TBCD: variants seen among roughly 807,000 people sequenced by gnomAD.
The protein encoded by TBCD is tubulin-specific chaperone D.
A neutral mutation model predicts 169.3 loss-of-function variants in TBCD; 105 were observed. That is an observed-to-expected ratio of 0.62 (90% CI 0.53 to 0.73). TBCD has a LOEUF of 0.73. Ranked by LOEUF, TBCD falls within the 30% of genes least tolerant of loss-of-function variation. The probability of loss-of-function intolerance (pLI) is 0.00; values close to 1 mark genes in which losing one functional copy is unlikely to be tolerated. For missense variants in TBCD, 1,444 were observed against 1,600.1 expected, an observed-to-expected ratio of 0.90 and a Z score of 1.66; for synonymous variants, 700 against 643.9, an observed-to-expected ratio of 1.09 and a Z score of -1.32.
rs935279603 is a variant in TBCD, at chr17:82,832,694, G to A, written c.1318+17760G>A. On this transcript the variant is annotated intron_variant, in intron 13 of 38. Transcript: ENST00000355528. This position sits in a 1 kb window ranked among gnomAD's most constrained non-coding sequence, Gnocchi z 4.9. ...GCGAGTGAGGGGTCGGCGAGAAGCC[G>A]GCCTCGGCTCGCCACAGTGCCACAG... 5.3e-6 allele frequency: 3 copies of A among 564,632 alleles called. No homozygotes were observed. The highest frequency in any genetic ancestry group is 9.5e-6 in the Non-Finnish European group (3 of 316,820). 35.0% of individuals were successfully genotyped at this position (564,632 alleles called of 1,614,324 possible). A position where few individuals can be genotyped will look rare whatever the true frequency, so the allele number is the denominator to read the frequency against.
chr17:82,850,402 G>C (rs1160864980), intron 13 of TBCD, among the ~76,000 whole-genome samples: 49 of 149,846 alleles, frequency 3.3e-4, no homozygotes, highest in African/African-American at 1.1e-3. Context: ...TGTTGGCTGT[G>C]CTGTTGTTGG....
At chr17:82,804,130 G>A (rs1358306590) in intron 9 of TBCD, among the ~76,000 whole-genome samples, 2 of 150,880 alleles carry the variant, frequency 1.3e-5, no homozygotes, top group Non-Finnish European at 3.0e-5. Flanking sequence ...GGAGAGTGGG[G>A]GCTGGGGTGT....
At chr17:82,772,263 G>GC (rs1431339559) in intron 5 of TBCD, among the ~76,000 whole-genome samples, 189 bp from the exon 6 acceptor site, 1 of 152,198 alleles carries the variant, frequency 6.6e-6, no homozygotes, top group Non-Finnish European at 1.5e-5. Flanking sequence ...GTAGCAGTTG[G>GC]CAGCTGTAGC....
At chr17:82,933,165 G>T (rs938458018) in intron 34 of TBCD, among the ~76,000 whole-genome samples, 1 of 152,140 alleles carries the variant, frequency 6.6e-6, no homozygotes, top group Non-Finnish European at 1.5e-5. Flanking sequence ...TTGCTTCTGC[G>T]CCACGCGGAT....
chr17:82,780,897 C>T (rs1020167333), intron 6 of TBCD, among the ~76,000 whole-genome samples: 3 of 151,926 alleles, frequency 2.0e-5, no homozygotes, highest in African/African-American at 4.8e-5. Flanking sequence ...CCGCCCTCCT[C>T]GTCCTCCAAA....
rs3214869 is a variant in TBCD at position 82,920,536 on chromosome 17, C to CTT, written c.2039-6_2039-5dup. On this transcript the variant is annotated intron_variant, in intron 23 of 38. Coordinates refer to ENST00000355528, the MANE Select transcript of TBCD (RefSeq NM_005993.5). The surrounding 1 kb of genome is among the most constrained non-coding windows in gnomAD (Gnocchi z 4.1). ...TTAGAAAAGTAACATTGCGTCTATCCTTTTTTTTTTTTTTTCCAGTGTGTG... is the reference window on the plus strand; with the variant it reads ...TTAGAAAAGTAACATTGCGTCTATCCTTTTTTTTTTTTTTTTTCCAGTGTGTG... The CTT allele has an allele frequency of 0.016, 22,130 of 1,388,166 alleles. 2 individuals carry two copies. Among genetic ancestry groups the CTT allele is most frequent in the African/African-American group, 0.02 (1,288 of 65,118 alleles). The allele number at this position is 1,388,166 out of a possible 1,614,324, so 86.0% of individuals were successfully genotyped here.
At position 82,806,440 on chromosome 17, in the gene TBCD, A is replaced by C. The variant is rs1398393933; in HGVS notation, c.1087+429A>C. 6.6e-6 allele frequency among the ~76,000 whole-genome samples: 1 copy of C among 151,980 alleles called. No homozygotes were observed. Among genetic ancestry groups the C allele is most frequent in the African/African-American group, 2.4e-5 (1 of 41,358 alleles). On this transcript the variant is annotated intron_variant, in intron 10 of 38. Transcript: ENST00000355528. The surrounding 1 kb of genome is among the most constrained non-coding windows in gnomAD (Gnocchi z 5.1). ...TTACACCTTGCAGGGGTCTCCATCC[A>C]CTGCCCTGTTCTCCTCCTGTGGGGT...
chr17:82,785,796 G>A (rs1443331004), intron 7 of TBCD, among the ~76,000 whole-genome samples: 1 of 143,942 alleles, frequency 6.9e-6, no homozygotes, highest in Non-Finnish European at 1.5e-5. Context: ...CCATCGCAGC[G>A]GGAGGGGGGT....
intron 13 of TBCD, among the ~76,000 whole-genome samples, chr17:82,828,998 A>G (rs528058345): frequency 2.4e-5 from 3 of 125,746 alleles, no homozygotes; most frequent in Non-Finnish European, 5.1e-5. Context: ...CACCCCCACA[A>G]TCACGTGTAC....
intron 9 of TBCD, among the ~76,000 whole-genome samples, chr17:82,805,479 G>A (rs184359681): frequency 9.4e-4 from 143 of 152,332 alleles, no homozygotes; most frequent in African/African-American, 2.7e-3. Flanking sequence ...TGAAGGGGCG[G>A]TGTGTGGCCT....
intron 4 of TBCD, 128 bp from the exon 5 acceptor site, chr17:82,768,292 G>A: frequency 1.7e-6 from 2 of 1,143,882 alleles, no homozygotes; most frequent in Non-Finnish European, 2.5e-6. Context: ...TGGCCCTGAG[G>A]GTGATGGCAT....
In TBCD at chr17:82,905,932, G is replaced by C; in HGVS notation, c.1805-4G>C. Reference sequence around the variant, plus strand: ...ACCTGCCCTCTCGGCCCTGTCTCTTGCAGTCTTCCCGAGGCTGCTGTCCAT... The same window carrying C: ...ACCTGCCCTCTCGGCCCTGTCTCTTCCAGTCTTCCCGAGGCTGCTGTCCAT... On this transcript the variant is annotated splice_polypyrimidine_tract_variant and splice_region_variant and intron_variant, in intron 19 of 38. Transcript: ENST00000355528. 4 of 1,608,318 alleles carry C rather than the reference G, an allele frequency of 2.5e-6. No individual in the cohort carries two copies. The highest frequency in any genetic ancestry group is 1.7e-6 in the Non-Finnish European group (2 of 1,176,956).
chr17:82,900,894 A>C (rs1041661525), intron 18 of TBCD, among the ~76,000 whole-genome samples, 163 bp downstream of exon 18: 11 of 152,360 alleles, frequency 7.2e-5, no homozygotes, highest in African/African-American at 2.6e-4. Context: ...GGATGTGTTG[A>C]GTCATGGTCT....
intron 12 of TBCD, among the ~76,000 whole-genome samples, chr17:82,813,841 C>T (rs756852249): frequency 3.3e-5 from 5 of 152,128 alleles, no homozygotes; most frequent in Middle Eastern, 3.2e-3. Flanking sequence ...CTGAGGAGCC[C>T]GCTGGTGGAC....
At position 82,922,576 on chromosome 17, in the gene TBCD, A is replaced by T. The variant is rs2061484119; in HGVS notation, c.2178+999A>T. The stretch of plus-strand genomic sequence containing the variant: ...TTCTGTAGGATCCAAGTACCGTTCT[A>T]CTAATTGAATTTGAATGCATCATGA... On this transcript the variant is annotated intron_variant, in intron 25 of 38. Transcript: ENST00000355528. The surrounding 1 kb of genome is among the most constrained non-coding windows in gnomAD (Gnocchi z 4.1). Among the ~76,000 whole-genome samples the T allele has an allele frequency of 6.6e-6, 1 of 151,772 alleles. No homozygotes were observed. The highest frequency in any genetic ancestry group is 1.5e-5 in the Non-Finnish European group (1 of 67,976).
chr17:82,801,700 T>TGA, intron 9 of TBCD, among the ~76,000 whole-genome samples: 1 of 124,816 alleles, frequency 8.0e-6, no homozygotes, highest in African/African-American at 3.1e-5. Flanking sequence ...GGCGTGTGCG[T>TGA]TGTGTGGCTC....
At chr17:82,924,093 A>G (rs895352006) in intron 26 of TBCD, among the ~76,000 whole-genome samples, 1 of 152,134 alleles carries the variant, frequency 6.6e-6, no homozygotes, top group Non-Finnish European at 1.5e-5. Context: ...AGGTGGGACT[A>G]CAGGTGCCTG....
At chr17:82,758,408 T>TAAA (rs56864532) in intron 2 of TBCD, among the ~76,000 whole-genome samples, 1 of 77,132 alleles carries the variant, frequency 1.3e-5, no homozygotes, top group South Asian at 3.9e-4. Flanking sequence ...AAAAAATAAA[T>TAAA]AAATAAATAA....
intron 19 of TBCD, among the ~76,000 whole-genome samples, chr17:82,905,335 A>G (rs905035262): frequency 6.6e-4 from 100 of 152,346 alleles, no homozygotes; most frequent in African/African-American, 2.3e-3. Context: ...GGAGCGGGCC[A>G]TGTCCAGCAC....
Sources: allele counts gnomAD v4.1 joint callset (sites outside exome capture counted in the v4.1 genomes callset), GRCh38; gene constraint gnomAD v4.1.1; non-coding constraint Gnocchi (gnomAD v3.1); transcripts MANE v1.5; gene names NCBI Gene and HGNC (gene_info 2026-07-23, HGNC 2026-07-21).